Variants in ARHGAP42 observed in about 807,000 individuals in gnomAD.
ARHGAP42 encodes Rho GTPase activating protein 42.
Under a neutral mutation model 125.0 loss-of-function variants are expected in ARHGAP42, and 63 were observed. The ratio of observed to expected loss-of-function variants is 0.50; its 90% CI spans 0.41 to 0.62. ARHGAP42 has a LOEUF of 0.62. Ranked by LOEUF, ARHGAP42 falls within the 20% of genes least tolerant of loss-of-function variation. ARHGAP42 has a pLI of 0.00. For synonymous variants in ARHGAP42, 339 were observed against 351.0 expected (o/e 0.97, Z 0.38); for missense variants, 766 against 1,024.2 (o/e 0.75, Z 3.44).
At chr11:100,748,210 G>A (rs543521695) in intron 1 of ARHGAP42, among the ~76,000 whole-genome samples, 2 of 152,304 alleles carry the variant, frequency 1.3e-5, no homozygotes, top group South Asian at 4.1e-4. Flanking sequence ...TTTAGGATTG[G>A]TACAGATGGC....
At chr11:100,932,014 G>T (rs944251729) in intron 6 of ARHGAP42, among the ~76,000 whole-genome samples, 4 of 152,224 alleles carry the variant, frequency 2.6e-5, no homozygotes, top group African/African-American at 9.6e-5. Flanking sequence ...GAGAAGAAAG[G>T]TCCTTAAAAT....
At chr11:100,884,818 T>A (rs569219161) in intron 4 of ARHGAP42, among the ~76,000 whole-genome samples, 13 of 152,318 alleles carry the variant, frequency 8.5e-5, no homozygotes, top group African/African-American at 3.1e-4. Flanking sequence ...CTCCAGGGTA[T>A]CTGCAGAAGT....
intron 4 of ARHGAP42, among the ~76,000 whole-genome samples, chr11:100,911,140 G>A (rs1260024167): frequency 1.3e-5 from 2 of 152,114 alleles, no homozygotes; most frequent in East Asian, 1.9e-4. Context: ...ACTGTAACCC[G>A]GCTGGTTGCT....
chr11:100,754,187 G>A (rs949604822), intron 1 of ARHGAP42, among the ~76,000 whole-genome samples: 8 of 152,158 alleles, frequency 5.3e-5, no homozygotes, highest in African/African-American at 1.2e-4. Flanking sequence ...CTTTCTCACC[G>A]AATTGGTAAG....
chr11:100,761,945 G>A (rs1468302812), intron 1 of ARHGAP42, among the ~76,000 whole-genome samples: 1 of 152,216 alleles, frequency 6.6e-6, no homozygotes, highest in Non-Finnish European at 1.5e-5. Context: ...ACGATTCAGA[G>A]GGGCTAAGTA....
intron 17 of ARHGAP42, among the ~76,000 whole-genome samples, chr11:100,971,183 T>C (rs1858235486): frequency 6.6e-6 from 1 of 152,152 alleles, no homozygotes; most frequent in Non-Finnish European, 1.5e-5. Flanking sequence ...TCTTTATTCT[T>C]TAAGTTTTTT....
At chr11:100,694,389 TTAGA>T (rs199823574) in intron 1 of ARHGAP42, among the ~76,000 whole-genome samples, 1,652 of 152,318 alleles carry the variant, frequency 0.011, 36 homozygotes, top group African/African-American at 0.037. Flanking sequence ...AATGTTTATT[TTAGA>T]TAGATAAGAA....
chr11:100,989,062 A>T lies in ARHGAP42; in HGVS notation c.*261A>T. 4.2e-6 allele frequency: 2 copies of T among 470,866 alleles called. No homozygotes were observed. The highest frequency in any genetic ancestry group is 5.5e-4 in the Middle Eastern group (1 of 1,816). 29.2% of individuals were successfully genotyped at this position (470,866 alleles called of 1,614,324 possible). On this transcript the variant is annotated 3_prime_UTR_variant, in exon 24 of 24. Transcript: ENST00000298815. ...GTTTTTGGATAATATGTAACTCTCC[A>T]CAATGTCGCTTCCGTAGCAATTGTA...
chr11:100,710,016 G>A (rs546142950), intron 1 of ARHGAP42, among the ~76,000 whole-genome samples: 85 of 151,728 alleles, frequency 5.6e-4, no homozygotes, highest in South Asian at 4.2e-3. Context: ...CAGCGGGGTC[G>A]GGGGGGCATC....
At chr11:100,862,973 G>A (rs1865478755) in intron 4 of ARHGAP42, among the ~76,000 whole-genome samples, 1 of 149,808 alleles carries the variant, frequency 6.7e-6, no homozygotes, top group South Asian at 2.1e-4. Flanking sequence ...GGAGGCAGAG[G>A]TTGCAGTGAG....
chr11:100,871,941 C>G (rs898083279), intron 4 of ARHGAP42, among the ~76,000 whole-genome samples: 1 of 152,182 alleles, frequency 6.6e-6, no homozygotes, highest in African/African-American at 2.4e-5. Flanking sequence ...TGAGGTTTCT[C>G]CATGTTGGTC....
intron 14 of ARHGAP42, 71 bp from the exon 15 acceptor site, chr11:100,961,613 C>G: frequency 7.4e-7 from 1 of 1,345,868 alleles, no homozygotes; most frequent in Non-Finnish European, 1.0e-6. Context: ...TACGTTTGTG[C>G]CCATTTTTCA....
chr11:100,936,275 G>T lies in ARHGAP42; in HGVS notation c.775G>T (p.Asp259Tyr). 6.4e-7 allele frequency: 1 copy of T among 1,551,598 alleles called. No individual in the cohort carries two copies. The highest frequency in any genetic ancestry group is 8.7e-7 in the Non-Finnish European group (1 of 1,146,922). Residue 259 changes from aspartate (D) to tyrosine (Y), a missense_variant, in exon 8 of 24, where the codon GAC (aspartate) becomes TAC (tyrosine). Coordinates refer to ENST00000298815, the MANE Select transcript of ARHGAP42 (RefSeq NM_152432.4). The part of the protein sequence containing the change: ...LMQRMKSANQ[D>Y]YRPPSQWTME... ...GCAAAGGATGAAATCTGCTAACCAG[G>T]ACTACAGACCACCCAGCCAGTGGAC...
intron 1 of ARHGAP42, among the ~76,000 whole-genome samples, chr11:100,689,340 G>A (rs1250568860): frequency 6.6e-6 from 1 of 152,196 alleles, no homozygotes; most frequent in East Asian, 1.9e-4. Context: ...ATCTAAGAGA[G>A]CATGATGCCT....
chr11:100,957,192 A>T (rs1031454682), intron 12 of ARHGAP42, among the ~76,000 whole-genome samples: 3 of 152,128 alleles, frequency 2.0e-5, no homozygotes, highest in Non-Finnish European at 4.4e-5. Flanking sequence ...CAGAGCTAAT[A>T]AGTGGAAGAG....
At chr11:100,878,512 C>T (rs924412131) in intron 4 of ARHGAP42, among the ~76,000 whole-genome samples, 1 of 152,154 alleles carries the variant, frequency 6.6e-6, no homozygotes, top group Non-Finnish European at 1.5e-5. Context: ...TCCCAGGGAC[C>T]TGCTTTAAAA....
chr11:100,830,202 A>G (rs955917996), intron 3 of ARHGAP42, among the ~76,000 whole-genome samples: 1 of 152,218 alleles, frequency 6.6e-6, no homozygotes, highest in Non-Finnish European at 1.5e-5. Flanking sequence ...CAGGAGGAAT[A>G]TATTTCCCAA....
intron 4 of ARHGAP42, among the ~76,000 whole-genome samples, chr11:100,881,705 G>A (rs541306650): frequency 7.2e-5 from 11 of 152,208 alleles, no homozygotes; most frequent in South Asian, 2.1e-4. Flanking sequence ...CTACCCATCC[G>A]TGAGCATGGA....
At chr11:100,801,239 G>GC (rs1243830447) in intron 3 of ARHGAP42, among the ~76,000 whole-genome samples, 1 of 152,096 alleles carries the variant, frequency 6.6e-6, no homozygotes, top group Non-Finnish European at 1.5e-5. Context: ...AAAAATTAGT[G>GC]CTTTATTTGG....
Sources: gnomAD v4.1 joint callset for allele counts (sites outside exome capture counted in the v4.1 genomes callset) on GRCh38, gnomAD v4.1.1 for gene constraint, MANE v1.5 for transcripts, NCBI Gene and HGNC (gene_info 2026-07-23, HGNC 2026-07-21) for gene names.